PIEZO1: variants seen among roughly 807,000 people sequenced by gnomAD.
PIEZO1 encodes piezo type mechanosensitive ion channel component 1 (Er blood group).
In PIEZO1, 296 loss-of-function variants were observed where a neutral mutation model predicts 297.2. The ratio of observed to expected loss-of-function variants is 1.00; its 90% CI spans 0.91 to 1.10. The LOEUF is 1.10. Among genes scored for constraint, PIEZO1 ranks in the 50% least tolerant of loss-of-function variants. PIEZO1 has a pLI of 0.00. For synonymous variants in PIEZO1, 2,427 were observed against 1,507.5 expected (o/e 1.61, Z -14.13); for missense variants, 5,018 against 3,455.5 (o/e 1.45, Z -11.34).
In PIEZO1 at chr16:88,731,918, GGGGAGAGGGC is replaced by G. The variant is rs1904845380; in HGVS notation, c.2992-18_2992-9del. ...GGCCATCAGGAAGCAGATCTGGGGAGGGGAGAGGGCGGGGTGTGGGGATGCACTGAGTCTG... is the reference window on the plus strand; with the variant it reads ...GGCCATCAGGAAGCAGATCTGGGGAGGGGGTGTGGGGATGCACTGAGTCTG... On this transcript the variant is annotated splice_polypyrimidine_tract_variant and intron_variant, in intron 21 of 50. Transcript: ENST00000301015. 1 of 771,110 alleles carries G rather than the reference GGGGAGAGGGC, an allele frequency of 1.3e-6. No homozygotes were observed. The highest frequency in any genetic ancestry group is 5.6e-5 in the African/African-American group (1 of 17,794). The allele number at this position is 771,110 out of a possible 1,614,324, so 47.8% of individuals were successfully genotyped here. A position where few individuals can be genotyped will look rare whatever the true frequency, so the allele number is the denominator to read the frequency against.
At position 88,738,406 on chromosome 16, in the gene PIEZO1, G is replaced by C; in HGVS notation, c.669C>G (p.Tyr223Ter). The C allele has an allele frequency of 6.5e-7, 1 of 1,535,840 alleles. No homozygotes were observed. The highest frequency in any genetic ancestry group is 8.7e-7 in the Non-Finnish European group (1 of 1,146,836). The change falls in exon 7 of 51, where the codon TAC becomes TAG. Residue 223 changes from tyrosine to a stop codon, truncating the protein, a stop_gained. Coordinates refer to ENST00000301015, the MANE Select transcript of PIEZO1 (RefSeq NM_001142864.4). LOFTEE classifies it high-confidence loss of function. ...TGCAGAGGGCCAGGAAGAGCAGCAG[G>C]TAGACACTGGAGAGGGCCGAGGGGT... Reference protein sequence around the residue: ...IAHPSALSSVYLLLFLALCTW... With the variant: ...IAHPSALSSV
chr16:88,775,703 T>G (rs1597488956), intron 1 of PIEZO1, among the ~76,000 whole-genome samples: 2 of 121,316 alleles, frequency 1.6e-5, no homozygotes, highest in Admixed American at 1.1e-4. Flanking sequence ...CACTACAGCC[T>G]GGGTGGCAGA....
intron 1 of PIEZO1, among the ~76,000 whole-genome samples, chr16:88,776,123 A>G (rs997156930): frequency 2.4e-4 from 36 of 152,194 alleles, no homozygotes; most frequent in Non-Finnish European, 3.4e-4. Flanking sequence ...CCGAGATCCC[A>G]CACTGTGGTG....
intron 31 of PIEZO1, 54 bp from the exon 32 acceptor site, chr16:88,723,382 C>G: frequency 1.3e-6 from 2 of 1,529,942 alleles, no homozygotes; most frequent in Non-Finnish European, 1.8e-6. Flanking sequence ...CAGACCCAGG[C>G]GGGAAGCTGG....
At chr16:88,757,249 G>A (rs775252453) in intron 1 of PIEZO1, among the ~76,000 whole-genome samples, 2 of 150,612 alleles carry the variant, frequency 1.3e-5, no homozygotes, top group Non-Finnish European at 3.0e-5. Context: ...GTTAGGAGGA[G>A]GGACCTCGAG....
chr16:88,726,947 T>G lies in PIEZO1; in HGVS notation c.3467A>C (p.Asp1156Ala). The G allele has an allele frequency of 6.5e-7, 1 of 1,550,312 alleles. No individual in the cohort carries two copies. Among genetic ancestry groups the G allele is most frequent in the Non-Finnish European group, 8.7e-7 (1 of 1,146,868 alleles). Residue 1156 changes from aspartate (D) to alanine (A), a missense_variant, in exon 25 of 51, where the codon GAC (aspartate) becomes GCC (alanine). Physicochemically the swap from Asp to Ala is moderately radical, Grantham distance 126. Transcript: ENST00000301015. Reference sequence around the variant, plus strand: ...TCGGAAGACGGCCACCTTCAGCATGTCAAGGTAGGACCTGCCAGGCCGGAG... The same window carrying G: ...TCGGAAGACGGCCACCTTCAGCATGGCAAGGTAGGACCTGCCAGGCCGGAG... ...PNFIHCRSYL[D>A]MLKVAVFRYL... is the part of the protein sequence containing the mutation.
In PIEZO1 at chr16:88,731,891, A is replaced by G. The variant is rs1334531073; in HGVS notation, c.3011T>C (p.Val1004Ala). Residue 1004 changes from valine to alanine, a missense_variant, in exon 22 of 51, where the codon GTG (valine) becomes GCG (alanine). Val to Ala is a moderately conservative substitution (Grantham distance 64, BLOSUM62 0). Coordinates refer to ENST00000301015, the MANE Select transcript of PIEZO1 (RefSeq NM_001142864.4). ...GTTCATGCGCTGCCCGATCACGTTC[A>G]CGGCCATCAGGAAGCAGATCTGGGG... ...FGLEICFLMA[V>A]NVIGQRMNFL... 3 of 481,444 alleles carry G rather than the reference A, an allele frequency of 6.2e-6. No individual in the cohort carries two copies. In the Admixed American group the frequency reaches 5.3e-4, roughly 85 times the overall value. The allele number at this position is 481,444 out of a possible 1,614,324, so 29.8% of individuals were successfully genotyped here. A position where few individuals can be genotyped will look rare whatever the true frequency, so the allele number is the denominator to read the frequency against.
In PIEZO1 at chr16:88,734,894, A is replaced by C. The variant is rs1182406816; in HGVS notation, c.1829T>G (p.Leu610Arg). The change falls in exon 14 of 51, where the codon CTC (leucine) becomes CGC (arginine). Residue 610 changes from leucine to arginine, a missense_variant. Physicochemically the swap from Leu to Arg is moderately radical, Grantham distance 102. Coordinates refer to ENST00000301015, the MANE Select transcript of PIEZO1 (RefSeq NM_001142864.4). ...AGCCACCTGGAAGAGGGTGAGGCAG[A>C]GCAGGAAGAGGAACATGTAGACAAT... The part of the protein sequence containing the change: ...YKIVYMFLFL[L>R]CLTLFQVYYS... 16 of 1,550,364 alleles carry C rather than the reference A, an allele frequency of 1.0e-5. No individual in the cohort carries two copies. Among genetic ancestry groups the C allele is most frequent in the Non-Finnish European group, 1.4e-5 (16 of 1,146,950 alleles).
In PIEZO1 at chr16:88,716,551, G is replaced by A. The variant is rs770497231; in HGVS notation, c.6926+8C>T. On this transcript the variant is annotated splice_region_variant and intron_variant, in intron 47 of 50. Coordinates refer to ENST00000301015, the MANE Select transcript of PIEZO1 (RefSeq NM_001142864.4). ...CCACCCAGGCACTGCCCCAAGTCCA[G>A]GACGAACCTCTGGAAGTTCCAGGTG... The A allele has an allele frequency of 1.3e-4, 196 of 1,540,736 alleles. No homozygotes were observed. Among genetic ancestry groups the A allele is most frequent in the Admixed American group, 2.8e-4 (14 of 50,560 alleles).
intron 44 of PIEZO1, chr16:88,717,764 G>A (rs765959012): frequency 1.6e-5 from 7 of 451,004 alleles, no homozygotes; most frequent in Non-Finnish European, 3.1e-5. Context: ...AGCAACCAGA[G>A]AATACAGAGA....
In PIEZO1 at chr16:88,724,084, C is replaced by T. The variant is rs116513907; in HGVS notation, c.4235-113G>A. The T allele has an allele frequency of 2.9e-3, 1,976 of 672,896 alleles. 35 individuals are homozygous for T. The African/African-American group carries it at 0.031, about 11-fold the overall frequency. The allele number at this position is 672,896 out of a possible 1,614,324, so 41.7% of individuals were successfully genotyped here. On this transcript the variant is annotated intron_variant, in intron 30 of 50. Coordinates refer to ENST00000301015, the MANE Select transcript of PIEZO1 (RefSeq NM_001142864.4). ...AGCCACCCTTCCCATGCGGAGTAGCCGGGAGCAGTGCAGGCACAAGACACA... is the reference window on the plus strand; with the variant it reads ...AGCCACCCTTCCCATGCGGAGTAGCTGGGAGCAGTGCAGGCACAAGACACA...
chr16:88,724,928 G>A (rs1404458722), intron 30 of PIEZO1, 81 bp downstream of exon 30: 6 of 888,536 alleles, frequency 6.8e-6, no homozygotes, highest in Middle Eastern at 3.5e-4. Flanking sequence ...GAAGGGAGGG[G>A]AAGATAGCAG....
chr16:88,735,735 C>G (rs1166737902), intron 12 of PIEZO1, among the ~76,000 whole-genome samples: 1 of 152,278 alleles, frequency 6.6e-6, no homozygotes, highest in Non-Finnish European at 1.5e-5. Flanking sequence ...GAACACATGG[C>G]CTGCACAGCT....
chr16:88,733,403 A>G lies in PIEZO1; in HGVS notation c.2539T>C (p.Tyr847His), dbSNP rs551236321. 3 of 1,550,102 alleles carry G rather than the reference A, an allele frequency of 1.9e-6. No homozygotes were observed. Among genetic ancestry groups the G allele is most frequent in the East Asian group, 2.4e-5 (1 of 40,912 alleles). The change falls in exon 19 of 51, where the codon TAC becomes CAC. Residue 847 changes from tyrosine (Y) to histidine (H), a missense_variant. Tyr to His is a moderately conservative substitution (Grantham distance 83). Coordinates refer to ENST00000301015, the MANE Select transcript of PIEZO1 (RefSeq NM_001142864.4). Reference protein sequence around the residue: ...LVVLWAFALPYPRFRPMASCL... With the variant: ...LVVLWAFALPHPRFRPMASCL... ...GAGGCCATGGGCCGGAAGCGTGGGT[A>G]GGGCAGGGCGAAGGCCCACAGCACC... is the stretch of plus-strand genomic sequence containing the variant.
At chr16:88,743,135 C>G (rs910288964) in intron 2 of PIEZO1, 2 of 456,232 alleles carry the variant, frequency 4.4e-6, no homozygotes, top group African/African-American at 4.0e-5. Flanking sequence ...TCCCAGCTGC[C>G]TGTGGCCCCA....
Position 88,727,107 on chromosome 16 carries a change from G to T in PIEZO1, c.3387C>A (p.Gly1129=). Residue 1129 remains glycine, a synonymous_variant, in exon 24 of 51, where the codon GGC becomes GGA. Coordinates refer to ENST00000301015, the MANE Select transcript of PIEZO1 (RefSeq NM_001142864.4). ...ERTEEWQRMA[G]VNTDRLEPLR... is the part of the protein sequence containing the mutation. Reference sequence around the variant, plus strand: ...GCGGCTCCAGGCGGTCGGTGTTGACGCCAGCCATGCGCTGCCACTCCTCTG... The same window carrying T: ...GCGGCTCCAGGCGGTCGGTGTTGACTCCAGCCATGCGCTGCCACTCCTCTG... 1 of 1,549,948 alleles carries T rather than the reference G, an allele frequency of 6.5e-7. No homozygotes were observed. Among genetic ancestry groups the T allele is most frequent in the South Asian group, 1.2e-5 (1 of 84,044 alleles).
chr16:88,720,275 C>T lies in PIEZO1; in HGVS notation c.5958G>A (p.Ser1986=), dbSNP rs927362544. ...GGGAGGACGTGATGTCTGTGGCCGC[C>T]GAGTGCTTCTGTGGCCAGGAGAGCA... is the stretch of plus-strand genomic sequence containing the variant. ...IFGFWAFGKH[S]AATDITSSLS... The change falls in exon 42 of 51, where the codon TCG becomes TCA. Residue 1986 remains serine (S), a synonymous_variant. Transcript: ENST00000301015. 28 of 1,550,226 alleles carry T rather than the reference C, an allele frequency of 1.8e-5. 1 individual carries two copies. The highest frequency in any genetic ancestry group is 2.7e-5 in the African/African-American group (2 of 73,034).
At chr16:88,719,046 C>T (rs1013772786) in intron 44 of PIEZO1, 28 of 156,566 alleles carry the variant, frequency 1.8e-4, no homozygotes, top group Middle Eastern at 1.8e-3. Flanking sequence ...GGCAGGGTCT[C>T]GCTTGTGGCC....
At chr16:88,726,520 T>C (rs1597450010) in intron 26 of PIEZO1, 27 bp downstream of exon 26, 1 of 1,545,764 alleles carries the variant, frequency 6.5e-7, no homozygotes, top group Non-Finnish European at 8.7e-7. Flanking sequence ...CCCCACGCCC[T>C]CCCCCGCCAC....
Sources: gnomAD v4.1 joint callset for allele counts (sites outside exome capture counted in the v4.1 genomes callset) on GRCh38, gnomAD v4.1.1 for gene constraint, MANE v1.5 for transcripts, NCBI Gene and HGNC (gene_info 2026-07-23, HGNC 2026-07-21) for gene names.